PCDH15: variants seen among roughly 807,000 people sequenced by gnomAD.
PCDH15 encodes protocadherin related 15.
Under a neutral mutation model 178.5 loss-of-function variants are expected in PCDH15, and 129 were observed. That is an observed-to-expected ratio of 0.72 (90% CI 0.63 to 0.84). The LOEUF is 0.84. PCDH15 is among the 40% of genes least tolerant of loss of function. The probability of loss-of-function intolerance (pLI) is 0.00; values close to 1 mark genes in which losing one functional copy is unlikely to be tolerated. For missense variants in PCDH15, 2,230 were observed against 2,099.9 expected, an observed-to-expected ratio of 1.06 and a Z score of -1.21; for synonymous variants, 800 against 732.0, an observed-to-expected ratio of 1.09 and a Z score of -1.50.
At chr10:54,947,457 C>T (rs552149008) in intron 2 of PCDH15, among the ~76,000 whole-genome samples, 7 of 151,996 alleles carry the variant, frequency 4.6e-5, no homozygotes, top group East Asian at 3.9e-4. Flanking sequence ...TATTTTACAT[C>T]GTTATCCCAT....
intron 11 of PCDH15, among the ~76,000 whole-genome samples, chr10:54,192,152 G>GAAAGA (rs2049091412): frequency 1.9e-5 from 1 of 52,730 alleles, no homozygotes; most frequent in African/African-American, 1.3e-4. Flanking sequence ...AAGAAAGAAA[G>GAAAGA]AAAAAGAAAG....
At chr10:55,401,594 CTGTG>C (rs3074786) in intron 2 of PCDH15, among the ~76,000 whole-genome samples, 8,350 of 133,028 alleles carry the variant, frequency 0.063, 283 homozygotes, top group South Asian at 0.11. Flanking sequence ...ATTTGCCTTA[CTGTG>C]TGTGTGTGTG....
chr10:55,028,570 T>C (rs1483461350), intron 2 of PCDH15, among the ~76,000 whole-genome samples: 2 of 151,980 alleles, frequency 1.3e-5, no homozygotes, highest in Non-Finnish European at 2.9e-5. Flanking sequence ...AGCAAAAATA[T>C]GGAACACAAG....
At chr10:54,698,274 AAATT>A (rs1459395546) in intron 1 of PCDH15, among the ~76,000 whole-genome samples, 2 of 152,174 alleles carry the variant, frequency 1.3e-5, no homozygotes, top group African/African-American at 4.8e-5. Flanking sequence ...TGGAATTAAA[AAATT>A]AAGTACATAG....
intron 28 of PCDH15, among the ~76,000 whole-genome samples, chr10:53,849,535 G>C (rs896743019): frequency 5.9e-5 from 9 of 152,064 alleles, no homozygotes; most frequent in Admixed American, 2.0e-4. Context: ...TACTTGATAA[G>C]TGATTTGCTT....
chr10:54,477,624 TCTCA>T (rs2078369371), intron 3 of PCDH15, among the ~76,000 whole-genome samples: 2 of 152,072 alleles, frequency 1.3e-5, no homozygotes, highest in African/African-American at 4.8e-5. Context: ...TGAGACAGAG[TCTCA>T]CTCTATCACC....
At chr10:54,416,033 A>C (rs1369734208) in intron 3 of PCDH15, among the ~76,000 whole-genome samples, 4 of 152,078 alleles carry the variant, frequency 2.6e-5, no homozygotes, top group African/African-American at 9.7e-5. Flanking sequence ...GTGTGATCAC[A>C]GCTCACTACA....
chr10:55,222,730 C>CACACACACACACACACACATATAT, intron 1 of PCDH15, among the ~76,000 whole-genome samples: 10 of 121,228 alleles, frequency 8.2e-5, no homozygotes, highest in African/African-American at 3.1e-4. Flanking sequence ...CACACACACA[C>CACACACACACACACACACATATAT]ATATATATAT....
At chr10:55,235,611 A>G (rs963163402) in intron 1 of PCDH15, among the ~76,000 whole-genome samples, 1 of 152,056 alleles carries the variant, frequency 6.6e-6, no homozygotes, top group Non-Finnish European at 1.5e-5. Context: ...CATAAGGAAC[A>G]ATAAGAATCT....
At chr10:54,543,061 G>A (rs11004367) in intron 2 of PCDH15, among the ~76,000 whole-genome samples, 11,345 of 152,196 alleles carry the variant, frequency 0.075, 701 homozygotes, top group East Asian at 0.3. Flanking sequence ...CCCACTGGTG[G>A]AAGGAGGCGG....
At chr10:54,109,018 G>C (rs566435972) in intron 15 of PCDH15, among the ~76,000 whole-genome samples, 1 of 152,234 alleles carries the variant, frequency 6.6e-6, no homozygotes, top group African/African-American at 2.4e-5. Context: ...GTGATACCCA[G>C]GTAGTACACT....
At chr10:53,899,299 T>C (rs2082171058) in intron 26 of PCDH15, among the ~76,000 whole-genome samples, 1 of 152,106 alleles carries the variant, frequency 6.6e-6, no homozygotes, top group African/African-American at 2.4e-5. Context: ...ATATTAGGTA[T>C]ACCACTTCAG....
chr10:54,204,970 T>A (rs935090017), intron 10 of PCDH15, among the ~76,000 whole-genome samples: 5 of 152,196 alleles, frequency 3.3e-5, no homozygotes, highest in African/African-American at 1.2e-4. Context: ...ATCTGACATG[T>A]ATCTGCTGTA....
intron 5 of PCDH15, among the ~76,000 whole-genome samples, chr10:54,353,741 G>C (rs1028213700): frequency 1.3e-5 from 2 of 151,768 alleles, no homozygotes; most frequent in African/African-American, 4.8e-5. Flanking sequence ...TTTCATACCT[G>C]TGTTAAAAAT....
At chr10:55,510,740 T>A (rs1840861427) in intron 2 of PCDH15, among the ~76,000 whole-genome samples, 1 of 151,648 alleles carries the variant, frequency 6.6e-6, no homozygotes, top group Non-Finnish European at 1.5e-5. Flanking sequence ...ATCCTCCTTG[T>A]ATCAAACACT....
At chr10:54,379,082 A>G in intron 3 of PCDH15, 140 bp from the exon 4 acceptor site, 1 of 886,586 alleles carries the variant, frequency 1.1e-6, no homozygotes, top group South Asian at 1.4e-5. Flanking sequence ...CATAAGACAG[A>G]AAATATTCTT....
intron 2 of PCDH15, among the ~76,000 whole-genome samples, chr10:54,545,504 A>G (rs1347676241): frequency 6.6e-6 from 1 of 152,122 alleles, no homozygotes; most frequent in Non-Finnish European, 1.5e-5. Flanking sequence ...AAATTATTTT[A>G]TAATTTTGGT....
At chr10:54,642,746 G>A (rs960732617) in intron 2 of PCDH15, among the ~76,000 whole-genome samples, 2 of 151,994 alleles carry the variant, frequency 1.3e-5, no homozygotes, top group Admixed American at 6.6e-5. Context: ...TATAGTTATT[G>A]AAAATTTATT....
At chr10:53,844,049 T>C (rs1027519847) in intron 28 of PCDH15, among the ~76,000 whole-genome samples, 9 of 151,662 alleles carry the variant, frequency 5.9e-5, no homozygotes, top group African/African-American at 1.9e-4. Flanking sequence ...TAGGGAACAA[T>C]GTGTGCTGTG....
Sources: gnomAD v4.1 joint callset for allele counts (sites outside exome capture counted in the v4.1 genomes callset) on GRCh38, gnomAD v4.1.1 for gene constraint, MANE v1.5 for transcripts, NCBI Gene and HGNC (gene_info 2026-07-23, HGNC 2026-07-21) for gene names.